Variants in FTCDNL1 observed in about 807,000 individuals in gnomAD.
FTCDNL1 encodes the protein formiminotransferase N-terminal subdomain-containing protein.
FTCDNL1 carries 11 observed loss-of-function variants against 5.9 expected under a neutral mutation model. That is an observed-to-expected ratio of 1.87 (90% CI 1.18 to 3.10). FTCDNL1 has a LOEUF of 3.10. FTCDNL1 is among the 30% of genes most tolerant of loss of function. The pLI, the probability that FTCDNL1 is intolerant of heterozygous loss-of-function variation, is 0.00. For synonymous variants in FTCDNL1, 58 were observed against 24.8 expected, an observed-to-expected ratio of 2.34 and a Z score of -3.99; for missense variants, 115 against 65.5, an observed-to-expected ratio of 1.76 and a Z score of -2.61.
intron 3 of FTCDNL1, among the ~76,000 whole-genome samples, chr2:199,803,135 A>C (rs926233324): frequency 7.0e-6 from 1 of 142,104 alleles, no homozygotes; most frequent in African/African-American, 2.6e-5. Context: ...TTGAGGCTGC[A>C]GTGAGCCATG....
the FTCDNL1 span, among the ~76,000 whole-genome samples, chr2:199,707,436 T>A: frequency 6.6e-6 from 1 of 152,106 alleles, no homozygotes; most frequent in African/African-American, 2.4e-5. Flanking sequence ...GCCCATTTCA[T>A]CCAAGGCATT....
the FTCDNL1 span, among the ~76,000 whole-genome samples, chr2:199,736,815 C>T: frequency 6.6e-6 from 1 of 152,206 alleles, no homozygotes; most frequent in Non-Finnish European, 1.5e-5. Context: ...CAGGCACCAA[C>T]CAACCCAGTC....
chr2:199,812,712 G>A lies in FTCDNL1; in HGVS notation c.410C>T (p.Ala137Val), dbSNP rs762168170. 58 of 698,546 alleles carry A rather than the reference G, an allele frequency of 8.3e-5. No homozygotes were observed. The highest frequency in any genetic ancestry group is 1.0e-4 in the South Asian group (7 of 66,678). 43.3% of individuals were successfully genotyped at this position (698,546 alleles called of 1,614,324 possible). A position where few individuals can be genotyped will look rare whatever the true frequency, so the allele number is the denominator to read the frequency against. Reference protein sequence around the residue: ...QRCGLTACFRAL With the variant: ...QRCGLTACFRVL ...TTTCTTCCAACACAACTGTCACAACGCCCTGAAGCAAGCTAAAAACAAGGA... is the reference window on the plus strand; with the variant it reads ...TTTCTTCCAACACAACTGTCACAACACCCTGAAGCAAGCTAAAAACAAGGA... Residue 137 changes from alanine to valine, a missense_variant, in exon 5 of 5, where the codon GCG becomes GTG. By Grantham distance (64) the Ala-to-Val change is moderately conservative. Coordinates refer to ENST00000420128, the MANE Select transcript of FTCDNL1 (RefSeq NM_001363886.2).
chr2:199,811,651 C>A lies in FTCDNL1; in HGVS notation c.*1054G>T, dbSNP rs1468554059. On this transcript the variant is annotated 3_prime_UTR_variant, in exon 5 of 5. Coordinates refer to ENST00000420128, the MANE Select transcript of FTCDNL1 (RefSeq NM_001363886.2). ...GAAGTTCCTGCATGTGGACTTGGGG[C>A]TTTCCCCATGACATGGGTCATTCCA... Among the ~76,000 whole-genome samples, 1 of 152,228 alleles carries A rather than the reference C, an allele frequency of 6.6e-6. No individual in the cohort carries two copies. The highest frequency in any genetic ancestry group is 1.5e-5 in the Non-Finnish European group (1 of 68,046).
At chr2:199,807,856 A>G (rs536138660), downstream of FTCDNL1, among the ~76,000 whole-genome samples, 8 of 152,288 alleles carry the variant, frequency 5.3e-5, no homozygotes, top group African/African-American at 1.7e-4. Flanking sequence ...TTTTATTTAG[A>G]ACATATGGAT....
intron 3 of FTCDNL1, among the ~76,000 whole-genome samples, chr2:199,829,786 A>C (rs975233056): frequency 3.3e-5 from 5 of 152,164 alleles, no homozygotes; most frequent in Admixed American, 6.5e-5. Context: ...AAGGAATATA[A>C]CTCATTCGTT....
At chr2:199,796,980 A>T (rs1700204330) in intron 3 of FTCDNL1, among the ~76,000 whole-genome samples, 2 of 152,152 alleles carry the variant, frequency 1.3e-5, no homozygotes, top group African/African-American at 4.8e-5. Flanking sequence ...CAGCTTCTCA[A>T]GGAACTGACC....
At chr2:199,739,507 C>A in the FTCDNL1 span, among the ~76,000 whole-genome samples, 1 of 152,220 alleles carries the variant, frequency 6.6e-6, no homozygotes, top group African/African-American at 2.4e-5. Flanking sequence ...GGACAACACA[C>A]TTCTGTTTTG....
At chr2:199,845,443 TG>T (rs1377698928) in intron 3 of FTCDNL1, among the ~76,000 whole-genome samples, 8 of 151,978 alleles carry the variant, frequency 5.3e-5, no homozygotes, top group Admixed American at 5.3e-4. Flanking sequence ...TGGTGGTGTG[TG>T]CCTGTAATTC....
chr2:199,731,887 CAA>C, the FTCDNL1 span, among the ~76,000 whole-genome samples: 531 of 117,476 alleles, frequency 4.5e-3, 3 homozygotes, highest in African/African-American at 0.015. Context: ...GACTCCGTCT[CAA>C]AAAAAAAAAA....
the FTCDNL1 span, among the ~76,000 whole-genome samples, chr2:199,699,420 C>T: frequency 6.6e-6 from 1 of 152,036 alleles, no homozygotes; most frequent in Non-Finnish European, 1.5e-5. Context: ...CACCACTGCA[C>T]TCCAGCGTGG....
the FTCDNL1 span, among the ~76,000 whole-genome samples, chr2:199,680,173 G>A: frequency 6.6e-6 from 1 of 152,192 alleles, no homozygotes; most frequent in Admixed American, 6.5e-5. Context: ...AATACAGGTT[G>A]GAGGAGTCTG....
chr2:199,688,644 G>T, the FTCDNL1 span, among the ~76,000 whole-genome samples: 2 of 152,118 alleles, frequency 1.3e-5, no homozygotes, highest in Admixed American at 1.3e-4. Context: ...TCTTCCCCTG[G>T]CCTTAGGGCT....
At chr2:199,700,589 T>A in the FTCDNL1 span, among the ~76,000 whole-genome samples, 4 of 152,056 alleles carry the variant, frequency 2.6e-5, no homozygotes, top group South Asian at 8.3e-4. Context: ...ATAGACAAAG[T>A]GATTCTAAGC....
At chr2:199,715,763 C>A in the FTCDNL1 span, among the ~76,000 whole-genome samples, 1 of 151,830 alleles carries the variant, frequency 6.6e-6, no homozygotes, top group Non-Finnish European at 1.5e-5. Flanking sequence ...TCCAAGAAAA[C>A]ATAGCTTGTA....
the FTCDNL1 span, among the ~76,000 whole-genome samples, chr2:199,746,434 A>C: frequency 6.6e-6 from 1 of 152,128 alleles, no homozygotes; most frequent in African/African-American, 2.4e-5. Context: ...AGTCAAACCA[A>C]TCTGATCATC....
the FTCDNL1 span, among the ~76,000 whole-genome samples, chr2:199,739,505 C>G: frequency 6.6e-6 from 1 of 152,200 alleles, no homozygotes; most frequent in Non-Finnish European, 1.5e-5. Flanking sequence ...GTGGACAACA[C>G]ACTTCTGTTT....
At chr2:199,765,532 T>TTATATATA (rs1319054963) in intron 3 of FTCDNL1, among the ~76,000 whole-genome samples, 54 of 79,574 alleles carry the variant, frequency 6.8e-4, no homozygotes, top group South Asian at 1.3e-3. Flanking sequence ...TTTGTCTTCA[T>TTATATATA]TATATATATA....
At chr2:199,784,602 T>C (rs1699541425) in intron 3 of FTCDNL1, among the ~76,000 whole-genome samples, 1 of 152,184 alleles carries the variant, frequency 6.6e-6, no homozygotes, top group African/African-American at 2.4e-5. Context: ...TTCAGTGCCA[T>C]GTATTTGCTA....
Sources: gnomAD v4.1 joint callset for allele counts (sites outside exome capture counted in the v4.1 genomes callset) on GRCh38, gnomAD v4.1.1 for gene constraint, MANE v1.5 for transcripts, NCBI Gene and HGNC (gene_info 2026-07-23, HGNC 2026-07-21) for gene names.